TRIM14: variants seen among roughly 807,000 people sequenced by gnomAD.
TRIM14 encodes tripartite motif-containing protein 14.
In TRIM14, 28 loss-of-function variants were observed where a neutral mutation model predicts 44.5. That is an observed-to-expected ratio of 0.63 (90% CI 0.47 to 0.86). The LOEUF (loss-of-function observed/expected upper bound fraction) is 0.86, where lower values mean the gene tolerates loss of function less well. Among genes scored for constraint, TRIM14 ranks in the 40% least tolerant of loss-of-function variants. TRIM14 has a pLI of 0.00. For missense variants in TRIM14, 607 were observed against 611.1 expected (o/e 0.99, Z 0.07); for synonymous variants, 299 against 269.2 (o/e 1.11, Z -1.08).
chr9:98,109,526 T>C (rs1826763923), intron 2 of TRIM14, among the ~76,000 whole-genome samples: 1 of 152,220 alleles, frequency 6.6e-6, no homozygotes, highest in Admixed American at 6.5e-5. Context: ...GGCAGTGGAA[T>C]TAAAGAGATA....
downstream of TRIM14, among the ~76,000 whole-genome samples, chr9:98,065,171 A>ACTCACAGC (rs1829100108): frequency 6.6e-6 from 1 of 152,104 alleles, no homozygotes; most frequent in Admixed American, 6.6e-5. Flanking sequence ...TTCTGGGCGT[A>ACTCACAGC]CTCACAGCCC....
intron 2 of TRIM14, among the ~76,000 whole-genome samples, 183 bp downstream of exon 2, chr9:98,109,706 C>G (rs1826770157): frequency 6.6e-6 from 1 of 152,152 alleles, no homozygotes; most frequent in Non-Finnish European, 1.5e-5. Flanking sequence ...TGGTCTTGCA[C>G]CTAATTTTGT....
At chr9:98,038,554 G>A in the TRIM14 span, among the ~76,000 whole-genome samples, 6 of 152,262 alleles carry the variant, frequency 3.9e-5, no homozygotes, top group African/African-American at 1.2e-4. Context: ...AGTCACAAAT[G>A]AGCCTAACTT....
At chr9:98,058,244 TG>T in the TRIM14 span, among the ~76,000 whole-genome samples, 9 of 152,194 alleles carry the variant, frequency 5.9e-5, no homozygotes, top group Non-Finnish European at 1.3e-4. Flanking sequence ...ACTGGTTTTA[TG>T]GAAACCTAAT....
chr9:98,086,643 A>G lies in TRIM14; in HGVS notation c.*827T>C, dbSNP rs1182300525. 1 of 152,184 alleles carries G rather than the reference A, an allele frequency of 6.6e-6. No homozygotes were observed. The highest frequency in any genetic ancestry group is 1.5e-5 in the Non-Finnish European group (1 of 68,058). The allele number at this position is 152,184 out of a possible 1,614,324, so 9.4% of individuals were successfully genotyped here. A position where few individuals can be genotyped will look rare whatever the true frequency, so the allele number is the denominator to read the frequency against. On this transcript the variant is annotated 3_prime_UTR_variant, in exon 6 of 6. Coordinates refer to ENST00000341469, the MANE Select transcript of TRIM14 (RefSeq NM_014788.4). ...GCAGGTAAGCCTGCGGAAGACTGAG[A>G]CAGGTGAAAAGACTTTTCTGCATGA...
chr9:98,056,881 A>T, the TRIM14 span: 1 of 1,611,654 alleles, frequency 6.2e-7, no homozygotes, highest in Non-Finnish European at 8.5e-7. Flanking sequence ...CATTGCCGAG[A>T]TCGGCCAGAA....
At chr9:98,111,238 T>C (rs1467927358) in intron 1 of TRIM14, among the ~76,000 whole-genome samples, 1 of 151,892 alleles carries the variant, frequency 6.6e-6, no homozygotes, top group Non-Finnish European at 1.5e-5. Context: ...AAAGTGGGTA[T>C]GTGGATGCAA....
intron 2 of TRIM14, 76 bp from the exon 3 acceptor site, chr9:98,100,240 CA>C: frequency 7.3e-7 from 1 of 1,365,432 alleles, no homozygotes; most frequent in Non-Finnish European, 1.0e-6. Flanking sequence ...TGAAAAAAAT[CA>C]TAACGTCTGA....
At chr9:98,081,177 C>T (rs762202916), downstream of TRIM14, 1 of 1,515,948 alleles carries the variant, frequency 6.6e-7, no homozygotes, top group Non-Finnish European at 9.0e-7. Flanking sequence ...CCTCCCTGAG[C>T]CAGGCTGATG....
chr9:98,082,809 C>G (rs1286213492), downstream of TRIM14: 1 of 1,600,624 alleles, frequency 6.2e-7, no homozygotes, highest in Admixed American at 1.7e-5. Context: ...CTAGTTACTT[C>G]TGTGAAGCTG....
rs775930070 is a variant in TRIM14 at position 98,100,153 on chromosome 9, C to T, written c.315G>A (p.Glu105=). ...TCCCCTTCAGCCAGGTTTTACTTGA[C>T]TCTGCATTAGCCTAAAAACAGAAAA... The part of the protein sequence containing the change: ...DATEKLKANA[E]SSKTWLKGKF... Residue 105 remains glutamate, a synonymous_variant, in exon 3 of 6, where the codon GAG becomes GAA. Transcript: ENST00000341469. 1 of 1,614,144 alleles carries T rather than the reference C, an allele frequency of 6.2e-7. No individual in the cohort carries two copies. Among genetic ancestry groups the T allele is most frequent in the South Asian group, 1.1e-5 (1 of 91,082 alleles).
At position 98,076,861 on chromosome 9, in the gene TRIM14, A is replaced by G. The variant is rs559076726; in HGVS notation, c.*29-7174T>C. 11 of 1,417,814 alleles carry G rather than the reference A, an allele frequency of 7.8e-6. No homozygotes were observed. The East Asian group carries it at 2.3e-4, about 30-fold the overall frequency. The allele number at this position is 1,417,814 out of a possible 1,614,324, so 87.8% of individuals were successfully genotyped here. A position where few individuals can be genotyped will look rare whatever the true frequency, so the allele number is the denominator to read the frequency against. On this transcript the variant is annotated intron_variant, in intron 6 of 6. Coordinates refer to the TRIM14 transcript ENST00000375098. ...ACTTGTATGTTATTCCTTGCCTGTC[A>G]TAACAACAGTGTTTTTGGACAATGG...
At chr9:98,048,014 G>A in the TRIM14 span, among the ~76,000 whole-genome samples, 1 of 150,212 alleles carries the variant, frequency 6.7e-6, no homozygotes, top group Non-Finnish European at 1.5e-5. Flanking sequence ...GCAGTGAGCT[G>A]AGATCATGCC....
At chr9:98,090,137 AAAG>A in intron 5 of TRIM14, among the ~76,000 whole-genome samples, 1 of 152,240 alleles carries the variant, frequency 6.6e-6, no homozygotes, top group East Asian at 1.9e-4. Flanking sequence ...AAGGCACGAA[AAAG>A]AAGTGAAAGG....
chr9:98,077,074 C>T lies in TRIM14; in HGVS notation c.*29-7387G>A, dbSNP rs1170237814. 6.8e-6 allele frequency: 9 copies of T among 1,324,174 alleles called. No homozygotes were observed. In the African/African-American group the frequency reaches 1.2e-4, roughly 17 times the overall value. The allele number at this position is 1,324,174 out of a possible 1,614,324, so 82.0% of individuals were successfully genotyped here. On this transcript the variant is annotated intron_variant, in intron 6 of 6. Transcript: ENST00000375098. ...GGGAGTCCAAACCTTCATATTTTTA[C>T]TCCCCTCATGGTGGCCCACTTTCAG...
Position 98,094,913 on chromosome 9 carries a change from G to T in TRIM14, c.654C>A (p.Ala218=). ...VKSFFKGLVE[A]VESTLQTPLD... The stretch of plus-strand genomic sequence containing the variant: ...ATGGCGTCTGTAATGTACTCTCCAC[G>T]GCTTCCACGAGGCCCTTAAAGAAGC... Residue 218 remains alanine (A), a synonymous_variant, in exon 4 of 6, where the codon GCC becomes GCA. Coordinates refer to ENST00000341469, the MANE Select transcript of TRIM14 (RefSeq NM_014788.4). 2.5e-6 allele frequency: 4 copies of T among 1,614,194 alleles called. No individual in the cohort carries two copies. Among genetic ancestry groups the T allele is most frequent in the Non-Finnish European group, 3.4e-6 (4 of 1,180,030 alleles).
intron 5 of TRIM14, among the ~76,000 whole-genome samples, chr9:98,091,620 A>G (rs1052621070): frequency 6.6e-6 from 1 of 152,200 alleles, no homozygotes; most frequent in African/African-American, 2.4e-5. Context: ...CATTATATGC[A>G]TATTAGATGT....
At chr9:98,066,228 C>T (rs759343396), downstream of TRIM14, among the ~76,000 whole-genome samples, 4 of 152,154 alleles carry the variant, frequency 2.6e-5, no homozygotes, top group Non-Finnish European at 4.4e-5. Context: ...TATATGAAGG[C>T]GGTTTCCAAA....
chr9:98,113,080 T>C (rs1826913189), intron 1 of TRIM14, among the ~76,000 whole-genome samples: 1 of 124,132 alleles, frequency 8.1e-6, no homozygotes, highest in Admixed American at 1.1e-4. Flanking sequence ...GCCACTGCAC[T>C]CCAGCCTGGG....
Sources: gnomAD v4.1 joint callset for allele counts (sites outside exome capture counted in the v4.1 genomes callset) on GRCh38, gnomAD v4.1.1 for gene constraint, MANE v1.5 for transcripts, NCBI Gene and HGNC (gene_info 2026-07-23, HGNC 2026-07-21) for gene names.